FIRRM: variants seen among roughly 807,000 people sequenced by gnomAD.
FIRRM encodes FIGNL1 interacting regulator of recombination and mitosis, also known as FIGNL1-interacting regulator of recombination and mitosis.
the FIRRM span, chr1:169,850,017 C>G: frequency 5.7e-6 from 3 of 530,514 alleles, no homozygotes; most frequent in Non-Finnish European, 1.0e-5. Flanking sequence ...TGCCTATGAT[C>G]ATAAGGGAGT....
the FIRRM span, among the ~76,000 whole-genome samples, chr1:169,808,795 C>T: frequency 5.3e-5 from 8 of 152,026 alleles, no homozygotes; most frequent in Non-Finnish European, 8.8e-5. Context: ...GACGGGGTTT[C>T]GCCATGTTGG....
At chr1:169,821,960 T>A in the FIRRM span, among the ~76,000 whole-genome samples, 9 of 149,374 alleles carry the variant, frequency 6.0e-5, no homozygotes, top group Middle Eastern at 3.5e-3. Context: ...TCTTAGAAAG[T>A]AAAAAAAAAA....
At chr1:169,786,431 TA>T in the FIRRM span, among the ~76,000 whole-genome samples, 3 of 152,176 alleles carry the variant, frequency 2.0e-5, no homozygotes, top group Non-Finnish European at 4.4e-5. Context: ...TGAAGATTTT[TA>T]AAACGCAAAG....
chr1:169,811,775 A>AGATAGAT, the FIRRM span, among the ~76,000 whole-genome samples: 1 of 151,598 alleles, frequency 6.6e-6, no homozygotes, highest in Non-Finnish European at 1.5e-5. Flanking sequence ...CAGATTATCT[A>AGATAGAT]AATAGATAAT....
At chr1:169,806,095 T>A in the FIRRM span, 1 of 1,537,450 alleles carries the variant, frequency 6.5e-7, no homozygotes. Flanking sequence ...TTAAGTAAGT[T>A]TGTTTGTTAT....
the FIRRM span, among the ~76,000 whole-genome samples, chr1:169,814,853 G>A: frequency 6.6e-6 from 1 of 152,190 alleles, no homozygotes; most frequent in East Asian, 1.9e-4. Flanking sequence ...TAGACCACAT[G>A]GGGGTTGGCA....
the FIRRM span, among the ~76,000 whole-genome samples, chr1:169,811,669 TAGATAATCTAAATAGATAATAGAC>T: frequency 6.0e-5 from 9 of 148,974 alleles, no homozygotes; most frequent in South Asian, 1.9e-3. Context: ...GATAGATAGA[TAGATAATCTAAATAGATAATAGAC>T]AGATTATCTA....
the FIRRM span, chr1:169,849,738 C>T: frequency 5.7e-3 from 3,808 of 670,012 alleles, 20 homozygotes; most frequent in Middle Eastern, 9.8e-3. Flanking sequence ...GTACATTACT[C>T]GTTATCTCTT....
the FIRRM span, among the ~76,000 whole-genome samples, chr1:169,792,260 A>T: frequency 6.6e-6 from 1 of 152,248 alleles, no homozygotes; most frequent in Non-Finnish European, 1.5e-5. Flanking sequence ...CAGACTTGAG[A>T]GAAGAAATGG....
the FIRRM span, among the ~76,000 whole-genome samples, chr1:169,844,573 T>A: frequency 1.3e-5 from 2 of 152,216 alleles, no homozygotes. Context: ...TTGCTTTTAG[T>A]AGCTGTTTTT....
the FIRRM span, chr1:169,852,453 A>ACTCT: frequency 3.4e-6 from 1 of 292,022 alleles, no homozygotes; most frequent in South Asian, 4.9e-5. Context: ...TTTTAGTCAA[A>ACTCT]CTCTCATAAA....
At chr1:169,846,083 A>G in the FIRRM span, among the ~76,000 whole-genome samples, 12 of 152,216 alleles carry the variant, frequency 7.9e-5, no homozygotes, top group Non-Finnish European at 1.5e-4. Context: ...AAACATGAAA[A>G]CAATATTCAT....
At chr1:169,852,588 T>TAGC in the FIRRM span, 3 of 586,390 alleles carry the variant, frequency 5.1e-6, no homozygotes, top group African/African-American at 3.7e-5. Flanking sequence ...ACACTGGTAG[T>TAGC]AGCACTCTGA....
At chr1:169,820,117 A>G in the FIRRM span, among the ~76,000 whole-genome samples, 13 of 152,214 alleles carry the variant, frequency 8.5e-5, no homozygotes, top group Non-Finnish European at 1.3e-4. Context: ...TCCTAAGGAC[A>G]TTTTTCAACA....
At chr1:169,811,686 T>TAATAGACAGATTATCTAAATAGAG in the FIRRM span, among the ~76,000 whole-genome samples, 1 of 144,620 alleles carries the variant, frequency 6.9e-6, no homozygotes, top group Middle Eastern at 3.3e-3. Flanking sequence ...TCTAAATAGA[T>TAATAGACAGATTATCTAAATAGAG]AATAGACAGA....
chr1:169,850,495 C>G, the FIRRM span: 1 of 581,690 alleles, frequency 1.7e-6, no homozygotes, highest in Admixed American at 3.0e-5. Flanking sequence ...GCAATTGAGG[C>G]CACAGAAGTA....
At chr1:169,827,336 C>G in the FIRRM span, 6 of 831,638 alleles carry the variant, frequency 7.2e-6, no homozygotes, top group Non-Finnish European at 1.1e-5. Context: ...AAACATATTT[C>G]TTATTTAAAA....
the FIRRM span, chr1:169,795,810 T>TC: frequency 1.0e-6 from 1 of 983,644 alleles, no homozygotes; most frequent in African/African-American, 1.8e-5. Flanking sequence ...TTTGACAAGT[T>TC]CTCACTCCTC....
chr1:169,835,897 G>A, the FIRRM span, among the ~76,000 whole-genome samples: 11 of 152,078 alleles, frequency 7.2e-5, no homozygotes, highest in Admixed American at 4.6e-4. Context: ...ATAGACACTC[G>A]CTCATCAAGG....
Sources: allele counts gnomAD v4.1 joint callset (sites outside exome capture counted in the v4.1 genomes callset), GRCh38; gene constraint gnomAD v4.1.1; transcripts MANE v1.5; gene names NCBI Gene and HGNC (gene_info 2026-07-23, HGNC 2026-07-21).